Variants in GRIK3 observed in about 807,000 individuals in gnomAD.
GRIK3 encodes glutamate receptor ionotropic, kainate 3.
GRIK3 carries 29 observed loss-of-function variants against 102.5 expected under a neutral mutation model. That is an observed-to-expected ratio of 0.28 (90% CI 0.21 to 0.39). GRIK3 has a LOEUF of 0.39. GRIK3 is among the 10% of genes least tolerant of loss of function. The pLI is 1.00. For synonymous variants in GRIK3, 511 were observed against 504.9 expected, an observed-to-expected ratio of 1.01 and a Z score of -0.16; for missense variants, 908 against 1,252.4, an observed-to-expected ratio of 0.73 and a Z score of 4.15.
intron 1 of GRIK3, among the ~76,000 whole-genome samples, chr1:36,920,875 C>T (rs1042844025): frequency 6.6e-6 from 1 of 152,246 alleles, no homozygotes; most frequent in African/African-American, 2.4e-5. Flanking sequence ...TGTGAGTTTT[C>T]AGCAGCAGCT....
chr1:36,957,869 C>CT, intron 1 of GRIK3, among the ~76,000 whole-genome samples: 1 of 70,008 alleles, frequency 1.4e-5, no homozygotes, highest in Middle Eastern at 0.012. Flanking sequence ...CTGTGTGCCC[C>CT]GTGACTCTGT....
Position 36,804,977 on chromosome 1 carries a change from T to G in GRIK3, c.2565+10A>C. 1 of 1,614,072 alleles carries G rather than the reference T, an allele frequency of 6.2e-7. No individual in the cohort carries two copies. Among genetic ancestry groups the G allele is most frequent in the Non-Finnish European group, 8.5e-7 (1 of 1,179,960 alleles). ...CCCATCCTGTGCAGGCTCCAAGCTC[T>G]AAGGCTTACCTGCTCTCTCTCTGCT... On this transcript the variant is annotated intron_variant, in intron 15 of 15. Transcript: ENST00000373091.
chr1:36,844,986 C>T (rs1409812422), intron 9 of GRIK3, among the ~76,000 whole-genome samples: 3 of 152,188 alleles, frequency 2.0e-5, no homozygotes. Context: ...GCCACCACAG[C>T]CCCAGAATCT....
chr1:36,819,687 T>C lies in GRIK3; in HGVS notation c.1873+49A>G. The C allele has an allele frequency of 1.0e-6, 1 of 982,408 alleles. No homozygotes were observed. The allele number at this position is 982,408 out of a possible 1,614,324, so 60.9% of individuals were successfully genotyped here. A position where few individuals can be genotyped will look rare whatever the true frequency, so the allele number is the denominator to read the frequency against. ...TGATGCCAAAGAGGCTGAAGACCGC[T>C]TGGGGAAAGCAGACCCTGGAAGGGG... On this transcript the variant is annotated intron_variant, in intron 12 of 15. Coordinates refer to ENST00000373091, the MANE Select transcript of GRIK3 (RefSeq NM_000831.4). This position sits in a 1 kb window ranked among gnomAD's most constrained non-coding sequence, Gnocchi z 4.1.
At chr1:36,931,146 A>T (rs1261450563) in intron 1 of GRIK3, among the ~76,000 whole-genome samples, 1 of 152,226 alleles carries the variant, frequency 6.6e-6, no homozygotes, top group Non-Finnish European at 1.5e-5. Flanking sequence ...TCATACCAGC[A>T]AGTTCTTTCT....
At position 36,952,923 on chromosome 1, in the gene GRIK3, C is replaced by T. The variant is rs146946488; in HGVS notation, c.116-61827G>A. On this transcript the variant is annotated intron_variant, in intron 1 of 15. Transcript: ENST00000373091. ...AGAGAAATGCTCCAGGTAGAGGGAA[C>T]AGCACGTGCAACACTTGTACAAGGC... 1.1e-4 allele frequency among the ~76,000 whole-genome samples: 17 copies of T among 152,264 alleles called. 1 individual carries two copies. Among genetic ancestry groups the T allele is most frequent in the African/African-American group, 4.1e-4 (17 of 41,546 alleles).
At chr1:36,956,615 TGA>T (rs2308274) in intron 1 of GRIK3, among the ~76,000 whole-genome samples, 77,516 of 151,554 alleles carry the variant, frequency 0.51, 20,859 homozygotes, top group African/African-American at 0.67. Context: ...TCCAAAGAAC[TGA>T]GAGAGGCGGA....
At chr1:36,887,688 G>A (rs190091962) in intron 2 of GRIK3, among the ~76,000 whole-genome samples, 2 of 151,036 alleles carry the variant, frequency 1.3e-5, no homozygotes, top group Admixed American at 6.6e-5. Flanking sequence ...CCCAAGAGGC[G>A]GAGGTTGCAA....
chr1:36,819,151 G>A lies in GRIK3; in HGVS notation c.1873+585C>T, dbSNP rs933156644. Reference sequence around the variant, plus strand: ...TCTTTTTGTGTACCTCATCTTTGAAGCACTCGGGCTGAAGTCCCCAACTCA... The same window carrying A: ...TCTTTTTGTGTACCTCATCTTTGAAACACTCGGGCTGAAGTCCCCAACTCA... On this transcript the variant is annotated intron_variant, in intron 12 of 15. Coordinates refer to ENST00000373091, the MANE Select transcript of GRIK3 (RefSeq NM_000831.4). The surrounding 1 kb of genome is among the most constrained non-coding windows in gnomAD (Gnocchi z 4.1). 6.6e-6 allele frequency among the ~76,000 whole-genome samples: 1 copy of A among 152,178 alleles called. No individual in the cohort carries two copies. The highest frequency in any genetic ancestry group is 2.4e-5 in the African/African-American group (1 of 41,454).
chr1:36,854,877 A>G (rs544365421), intron 7 of GRIK3, among the ~76,000 whole-genome samples: 8 of 152,312 alleles, frequency 5.3e-5, no homozygotes, highest in Middle Eastern at 3.4e-3. Flanking sequence ...GAGGAAGCAG[A>G]CCTCAAGGGG....
At chr1:36,834,973 G>A (rs568626199) in intron 10 of GRIK3, among the ~76,000 whole-genome samples, 2 of 152,226 alleles carry the variant, frequency 1.3e-5, no homozygotes, top group East Asian at 1.9e-4. Context: ...CCTCAGGGAA[G>A]TTTGAGGCCT....
rs1224479502 is a variant in GRIK3, at chr1:36,846,262, G to A, written c.1326+4049C>T. On this transcript the variant is annotated intron_variant, in intron 9 of 15. Transcript: ENST00000373091. ...CTGTTTCCATCTCAGGAATGGGGAA[G>A]GCTGCCAGTGGCTCTGAGGGGCCAG... 2.6e-5 allele frequency among the ~76,000 whole-genome samples: 4 copies of A among 152,188 alleles called. No individual in the cohort carries two copies. In the East Asian group the frequency reaches 7.7e-4, roughly 29 times the overall value.
intron 1 of GRIK3, among the ~76,000 whole-genome samples, chr1:37,009,504 A>G (rs1642566746): frequency 6.6e-6 from 1 of 152,242 alleles, no homozygotes; most frequent in East Asian, 1.9e-4. Context: ...AAATCGCCTT[A>G]GAGGAAAAAT....
In GRIK3 at chr1:36,880,061, G is replaced by A. The variant is rs529591404; in HGVS notation, c.550+573C>T. Among the ~76,000 whole-genome samples the A allele has an allele frequency of 9.0e-4, 137 of 152,274 alleles. 2 individuals carry two copies. Among genetic ancestry groups the A allele is most frequent in the African/African-American group, 3.3e-3 (137 of 41,548 alleles). On this transcript the variant is annotated intron_variant, in intron 3 of 15. Coordinates refer to ENST00000373091, the MANE Select transcript of GRIK3 (RefSeq NM_000831.4). This position sits in a 1 kb window ranked among gnomAD's most constrained non-coding sequence, Gnocchi z 5.4. ...GAAGAACCAACCTTCAGCGCTCACT[G>A]CATGTCAGTGCTTGTCACTGTCATC...
chr1:36,895,379 T>C (rs1434137561), intron 1 of GRIK3, among the ~76,000 whole-genome samples: 1 of 151,732 alleles, frequency 6.6e-6, no homozygotes, highest in East Asian at 1.9e-4. Flanking sequence ...AGGGCTCTAA[T>C]GGATAAAGAG....
intron 1 of GRIK3, among the ~76,000 whole-genome samples, chr1:36,959,882 C>T (rs1160465393): frequency 9.7e-6 from 1 of 103,194 alleles, no homozygotes; most frequent in Non-Finnish European, 2.1e-5. Flanking sequence ...GCCGTGTGCC[C>T]CATGATTCTG....
chr1:36,967,352 T>C (rs1423208443), intron 1 of GRIK3, among the ~76,000 whole-genome samples: 1 of 152,220 alleles, frequency 6.6e-6, no homozygotes, highest in Non-Finnish European at 1.5e-5. Context: ...CTCTGCCTTG[T>C]CCTGGATTTC....
At chr1:37,022,310 G>A (rs78286658) in intron 1 of GRIK3, among the ~76,000 whole-genome samples, 2,046 of 152,322 alleles carry the variant, frequency 0.013, 21 homozygotes, top group Middle Eastern at 0.041. Flanking sequence ...CACAGCAGAG[G>A]TTCTCTTCCT....
intron 2 of GRIK3, among the ~76,000 whole-genome samples, chr1:36,883,179 A>G (rs1393738434): frequency 6.6e-6 from 1 of 152,226 alleles, no homozygotes; most frequent in East Asian, 1.9e-4. Context: ...TACATACCAT[A>G]CGGCTAAATA....
Sources: gnomAD v4.1 joint callset for allele counts (sites outside exome capture counted in the v4.1 genomes callset) on GRCh38, gnomAD v4.1.1 for gene constraint, Gnocchi (gnomAD v3.1) non-coding constraint, MANE v1.5 for transcripts, NCBI Gene and HGNC (gene_info 2026-07-23, HGNC 2026-07-21) for gene names.